Variants in KMT2C observed in about 807,000 individuals in gnomAD.
The protein encoded by KMT2C is histone-lysine N-methyltransferase 2C.
KMT2C carries 88 observed loss-of-function variants against 507.9 expected under a neutral mutation model. The observed-to-expected ratio is 0.17, with a 90% confidence interval of 0.15 to 0.21. The LOEUF (loss-of-function observed/expected upper bound fraction) is 0.21. Among genes scored for constraint, KMT2C ranks in the 10% least tolerant of loss-of-function variants. The pLI is 1.00. For missense variants in KMT2C, 4,954 were observed against 5,957.8 expected (o/e 0.83, Z 5.55); for synonymous variants, 2,049 against 2,080.8 (o/e 0.98, Z 0.42).
Position 152,135,448 on chromosome 7 carries a change from A to T in KMT2C, c.*1384T>A. 1 of 220,066 alleles carries T rather than the reference A, an allele frequency of 4.5e-6. No individual in the cohort carries two copies. Among genetic ancestry groups the T allele is most frequent in the East Asian group, 6.8e-5 (1 of 14,792 alleles). The allele number at this position is 220,066 out of a possible 1,614,324, so 13.6% of individuals were successfully genotyped here. On this transcript the variant is annotated 3_prime_UTR_variant, in exon 59 of 59. Coordinates refer to ENST00000262189, the MANE Select transcript of KMT2C (RefSeq NM_170606.3). Reference sequence around the variant, plus strand: ...CAAACAGTTCATACAAACACATTTTAAAATTACATCTTCCAAAAACCCTAT... The same window carrying T: ...CAAACAGTTCATACAAACACATTTTTAAATTACATCTTCCAAAAACCCTAT...
Position 152,148,527 on chromosome 7 carries a change from T to C in KMT2C, c.13400A>G (p.Lys4467Arg), listed in dbSNP as rs1563146097. ...GLQMKCVFCH[K>R]TGATSGCHRF... is the part of the protein sequence containing the mutation. ...GTGGCATCCACTAGTGGCACCCGTC[T>C]TGTGACAGAAGACACATTTCATTTG... Residue 4467 changes from lysine (K) to arginine (R), a missense_variant, in exon 52 of 59, where the codon AAG (lysine) becomes AGG (arginine). Around this residue, in one of 29 missense-constraint regions of KMT2C, gnomAD observed 39 missense variants for 101.8 expected, o/e 0.38. Coordinates refer to ENST00000262189, the MANE Select transcript of KMT2C (RefSeq NM_170606.3). The surrounding 1 kb of genome is among the most constrained non-coding windows in gnomAD (Gnocchi z 7.1). 5 of 1,614,262 alleles carry C rather than the reference T, an allele frequency of 3.1e-6. No individual in the cohort carries two copies. Among genetic ancestry groups the C allele is most frequent in the Non-Finnish European group, 4.2e-6 (5 of 1,180,046 alleles).
At chr7:152,409,428 G>A (rs2097657763) in intron 1 of KMT2C, among the ~76,000 whole-genome samples, 1 of 151,912 alleles carries the variant, frequency 6.6e-6, no homozygotes, top group African/African-American at 2.4e-5. Flanking sequence ...TAAAATGCTG[G>A]TTAAGTGGGC....
chr7:152,372,918 A>G (rs180912764), intron 1 of KMT2C, among the ~76,000 whole-genome samples: 7 of 152,348 alleles, frequency 4.6e-5, no homozygotes, highest in Admixed American at 4.6e-4. Context: ...ATTCTTCTTA[A>G]GCAGACACAG....
At chr7:152,234,813 G>C (rs1193246329) in intron 16 of KMT2C, among the ~76,000 whole-genome samples, 1 of 151,970 alleles carries the variant, frequency 6.6e-6, no homozygotes, top group Non-Finnish European at 1.5e-5. Context: ...GGAGGTGGGA[G>C]GTCGAAGCTA....
chr7:152,208,057 T>C (rs1235605373), intron 23 of KMT2C, among the ~76,000 whole-genome samples: 2 of 152,214 alleles, frequency 1.3e-5, no homozygotes, highest in African/African-American at 4.8e-5. Flanking sequence ...TCCTATCTAG[T>C]TCCCCACCTT....
chr7:152,424,477 C>T (rs1189256314), intron 1 of KMT2C, among the ~76,000 whole-genome samples: 1 of 152,128 alleles, frequency 6.6e-6, no homozygotes, highest in African/African-American at 2.4e-5. Context: ...GGCTTGAGTG[C>T]AATGGCAAGA....
At chr7:152,301,320 C>T (rs1137721) in intron 6 of KMT2C, among the ~76,000 whole-genome samples, 50,112 of 151,312 alleles carry the variant, frequency 0.33, 12,249 homozygotes, top group African/African-American at 0.69. Context: ...CTGGCCCACA[C>T]GGTGAAACTC....
At chr7:152,271,020 T>C (rs2095956369) in intron 7 of KMT2C, among the ~76,000 whole-genome samples, 1 of 152,146 alleles carries the variant, frequency 6.6e-6, no homozygotes, top group East Asian at 1.9e-4. Flanking sequence ...AAAATACATA[T>C]ACTCAATATG....
At chr7:152,156,376 T>G in intron 44 of KMT2C, 30 bp from the exon 45 acceptor site, 1 of 1,612,148 alleles carries the variant, frequency 6.2e-7, no homozygotes, top group Non-Finnish European at 8.5e-7. Context: ...TTAAATTATA[T>G]GCTACTGAGC....
At chr7:152,192,270 C>T (rs962317827) in intron 31 of KMT2C, among the ~76,000 whole-genome samples, 9 of 152,094 alleles carry the variant, frequency 5.9e-5, no homozygotes, top group African/African-American at 1.9e-4. Context: ...GGGCTGGGCG[C>T]GGTGGCTCAC....
At chr7:152,358,289 G>A (rs1197900324) in intron 2 of KMT2C, among the ~76,000 whole-genome samples, 2 of 151,922 alleles carry the variant, frequency 1.3e-5, no homozygotes, top group Admixed American at 1.3e-4. Flanking sequence ...AATATACTAT[G>A]AGCGATTATA....
At chr7:152,251,006 T>A in intron 11 of KMT2C, 40 bp from the exon 12 acceptor site, 1 of 1,171,220 alleles carries the variant, frequency 8.5e-7, no homozygotes, top group Middle Eastern at 2.0e-4. Flanking sequence ...CAGAATGAGT[T>A]TTTTTCTTTG....
intron 24 of KMT2C, 126 bp downstream of exon 24, chr7:152,207,174 C>A (rs2094331648): frequency 1.1e-6 from 1 of 916,950 alleles, no homozygotes; most frequent in Non-Finnish European, 1.6e-6. Flanking sequence ...AATTTATGTG[C>A]ACATATTTTT....
chr7:152,401,837 G>A (rs1479368016), intron 1 of KMT2C, among the ~76,000 whole-genome samples: 1 of 152,304 alleles, frequency 6.6e-6, no homozygotes, highest in East Asian at 1.9e-4. Flanking sequence ...GCAGCCGGGC[G>A]TGGTGGCTCA....
intron 6 of KMT2C, among the ~76,000 whole-genome samples, chr7:152,302,916 T>C (rs1352017436): frequency 6.6e-6 from 1 of 152,116 alleles, no homozygotes; most frequent in Non-Finnish European, 1.5e-5. Flanking sequence ...AGTGCTGGGA[T>C]TACAGGCATG....
At chr7:152,296,146 G>A (rs1261196901) in intron 6 of KMT2C, among the ~76,000 whole-genome samples, 1 of 151,132 alleles carries the variant, frequency 6.6e-6, no homozygotes, top group Non-Finnish European at 1.5e-5. Flanking sequence ...AATATGCCAG[G>A]GGCAGGGCGT....
At chr7:152,149,748 G>A (rs1297894285) in intron 51 of KMT2C, among the ~76,000 whole-genome samples, 1 of 152,142 alleles carries the variant, frequency 6.6e-6, no homozygotes, top group Non-Finnish European at 1.5e-5. Context: ...GAGCTGAGGG[G>A]AAATCTCCAA....
intron 23 of KMT2C, among the ~76,000 whole-genome samples, chr7:152,211,926 T>C (rs1366047518): frequency 2.6e-5 from 4 of 152,070 alleles, no homozygotes; most frequent in African/African-American, 9.7e-5. Flanking sequence ...CAGGTGCCTG[T>C]AGTCCCAGCT....
intron 3 of KMT2C, among the ~76,000 whole-genome samples, chr7:152,320,017 G>A (rs1165791652): frequency 6.6e-6 from 1 of 152,104 alleles, no homozygotes; most frequent in African/African-American, 2.4e-5. Context: ...GCGTCTTGGT[G>A]GTAGTGGTCC....
Sources: allele counts gnomAD v4.1 joint callset (sites outside exome capture counted in the v4.1 genomes callset), GRCh38; gene constraint gnomAD v4.1.1; regional missense constraint gnomAD v4.1.1; non-coding constraint Gnocchi (gnomAD v3.1); transcripts MANE v1.5; gene names NCBI Gene and HGNC (gene_info 2026-07-23, HGNC 2026-07-21).